The following EYS variants were observed in gnomAD, a reference collection of about 807,000 sequenced individuals.
The protein encoded by EYS is EGF-like photoreceptor maintenance factor, also known as protein eyes shut homolog.
Under a neutral mutation model 282.1 loss-of-function variants are expected in EYS, and 250 were observed. The observed-to-expected ratio is 0.89, with a 90% CI of 0.80 to 0.98. The LOEUF (loss-of-function observed/expected upper bound fraction) is 0.98, where lower values mean the gene tolerates loss of function less well. EYS is among the 50% of genes least tolerant of loss of function. EYS has a pLI of 0.00. For synonymous variants in EYS, 1,355 were observed against 1,282.9 expected, an observed-to-expected ratio of 1.06 and a Z score of -1.20; for missense variants, 4,016 against 3,709.0, an observed-to-expected ratio of 1.08 and a Z score of -2.15.
intron 31 of EYS, among the ~76,000 whole-genome samples, chr6:64,101,349 G>A (rs1425709557): frequency 6.6e-6 from 1 of 152,106 alleles, no homozygotes; most frequent in Non-Finnish European, 1.5e-5. Context: ...CTTGCCTGGA[G>A]ACCTAACAGC....
intron 8 of EYS, among the ~76,000 whole-genome samples, chr6:65,382,461 G>GTGTGTGTGTC (rs1554190270): frequency 8.0e-6 from 1 of 125,042 alleles, no homozygotes; most frequent in Non-Finnish European, 1.6e-5. Context: ...TTTCCTCTGT[G>GTGTGTGTGTC]TGTGTGTGTG....
chr6:64,977,128 A>G (rs1195955202), intron 14 of EYS, among the ~76,000 whole-genome samples: 1 of 151,790 alleles, frequency 6.6e-6, no homozygotes, highest in Non-Finnish European at 1.5e-5. Flanking sequence ...CCTGATCTCA[A>G]ATGATCTGCC....
intron 1 of EYS, among the ~76,000 whole-genome samples, chr6:65,643,025 G>A (rs1767331173): frequency 6.6e-6 from 1 of 152,228 alleles, no homozygotes; most frequent in African/African-American, 2.4e-5. Context: ...AAAGCTGAGA[G>A]AATTATCTGA....
Position 65,400,469 on chromosome 6 carries a change from A to G in EYS, c.1184+2009T>C, listed in dbSNP as rs1016695049. On this transcript the variant is annotated intron_variant, in intron 7 of 42. Coordinates refer to ENST00000503581, the MANE Select transcript of EYS (RefSeq NM_001142800.2). ...TGTGCTACCTGCTCCCAGCATTGCC[A>G]CTTTTGATACTTTACAACTCCTTCT... 4.6e-5 allele frequency among the ~76,000 whole-genome samples: 7 copies of G among 151,700 alleles called. No homozygotes were observed. In the East Asian group the frequency reaches 7.7e-4, roughly 17 times the overall value.
intron 13 of EYS, among the ~76,000 whole-genome samples, chr6:65,056,419 C>T (rs922048296): frequency 1.3e-5 from 2 of 151,642 alleles, no homozygotes; most frequent in African/African-American, 2.4e-5. Flanking sequence ...ACAGTGAAAC[C>T]CTGTCTCTAC....
At chr6:64,899,935 G>A (rs1426545317) in intron 18 of EYS, among the ~76,000 whole-genome samples, 2 of 152,006 alleles carry the variant, frequency 1.3e-5, no homozygotes, top group Non-Finnish European at 2.9e-5. Flanking sequence ...ACAATCCTAA[G>A]CAAAGGATCA....
rs114783605 is a variant in EYS at position 64,327,287 on chromosome 6, G to A, written c.6079-20205C>T. The stretch of plus-strand genomic sequence containing the variant: ...TTTGAACCTCCCATAATAGGACCCA[G>A]TCTGGTGGATCCAAGAGTGAAAGTG... On this transcript the variant is annotated intron_variant, in intron 29 of 42. Transcript: ENST00000503581. Among the ~76,000 whole-genome samples, 1,356 of 152,248 alleles carry A rather than the reference G, an allele frequency of 8.9e-3. 19 individuals carry two copies. Among genetic ancestry groups the A allele is most frequent in the African/African-American group, 0.03 (1,260 of 41,538 alleles).
chr6:65,151,130 G>A (rs1764601878), intron 12 of EYS, among the ~76,000 whole-genome samples: 1 of 152,004 alleles, frequency 6.6e-6, no homozygotes, highest in South Asian at 2.1e-4. Flanking sequence ...ATAAGTTTAT[G>A]ACCTATTTAC....
intron 5 of EYS, among the ~76,000 whole-genome samples, chr6:65,438,577 T>C (rs1294849829): frequency 1.3e-5 from 2 of 152,196 alleles, no homozygotes; most frequent in Admixed American, 6.5e-5. Context: ...TATCTCATTG[T>C]GGTTTTGATT....
intron 41 of EYS, among the ~76,000 whole-genome samples, chr6:63,726,970 A>G (rs954215220): frequency 6.6e-6 from 1 of 152,160 alleles, no homozygotes; most frequent in African/African-American, 2.4e-5. Context: ...AGATTGCATT[A>G]TATAGAGGGA....
intron 31 of EYS, among the ~76,000 whole-genome samples, chr6:64,141,867 T>C (rs1774348058): frequency 6.6e-6 from 1 of 152,134 alleles, no homozygotes; most frequent in Admixed American, 6.5e-5. Context: ...ATTTATACTC[T>C]CCAGTACACT....
chr6:64,068,553 T>TA (rs1771459546), intron 32 of EYS, among the ~76,000 whole-genome samples: 1 of 151,962 alleles, frequency 6.6e-6, no homozygotes, highest in Non-Finnish European at 1.5e-5. Context: ...GAGATATACC[T>TA]AATGTAAATG....
chr6:64,128,648 C>T (rs1316361609), intron 31 of EYS, among the ~76,000 whole-genome samples: 3 of 152,088 alleles, frequency 2.0e-5, no homozygotes, highest in Admixed American at 2.0e-4. Flanking sequence ...TCAAAGATTT[C>T]TTATAAAAGA....
chr6:65,180,362 A>C (rs1490222751), intron 12 of EYS, among the ~76,000 whole-genome samples: 1 of 152,170 alleles, frequency 6.6e-6, no homozygotes, highest in Admixed American at 6.6e-5. Context: ...GCAAAGTCTC[A>C]GGATACAAAA....
At chr6:65,217,417 A>G (rs1434675740) in intron 12 of EYS, among the ~76,000 whole-genome samples, 1 of 152,072 alleles carries the variant, frequency 6.6e-6, no homozygotes, top group Non-Finnish European at 1.5e-5. Flanking sequence ...ATCACTTATA[A>G]TAAGGTATTA....
At chr6:64,768,415 A>C (rs974234919) in intron 22 of EYS, among the ~76,000 whole-genome samples, 39 of 152,186 alleles carry the variant, frequency 2.6e-4, no homozygotes, top group African/African-American at 8.7e-4. Flanking sequence ...ATGAAATTGA[A>C]TTCTATTTTA....
chr6:65,434,576 T>TC (rs1405377251), intron 5 of EYS, among the ~76,000 whole-genome samples: 3 of 152,090 alleles, frequency 2.0e-5, no homozygotes, highest in Non-Finnish European at 4.4e-5. Context: ...CGCCTTGGCC[T>TC]CCAAAGTGTT....
At chr6:65,519,246 C>G (rs1414181129) in intron 2 of EYS, among the ~76,000 whole-genome samples, 1 of 151,668 alleles carries the variant, frequency 6.6e-6, no homozygotes, top group South Asian at 2.1e-4. Context: ...AATTTTGCAT[C>G]TATTTGTACA....
intron 41 of EYS, among the ~76,000 whole-genome samples, chr6:63,749,827 C>T (rs1321921822): frequency 6.6e-6 from 1 of 152,212 alleles, no homozygotes; most frequent in Non-Finnish European, 1.5e-5. Flanking sequence ...CCTCCCTCTT[C>T]AGCCTGGCTT....
Sources: allele counts gnomAD v4.1 joint callset (sites outside exome capture counted in the v4.1 genomes callset), GRCh38; gene constraint gnomAD v4.1.1; transcripts MANE v1.5; gene names NCBI Gene and HGNC (gene_info 2026-07-23, HGNC 2026-07-21).